Variants in RDH16 observed in about 807,000 individuals in gnomAD.
The protein encoded by RDH16 is human epidermal retinol dehydrogenase.
A neutral mutation model predicts 22.3 loss-of-function variants in RDH16; 25 were observed. That is an observed-to-expected ratio of 1.12 (90% CI 0.82 to 1.56). The LOEUF (loss-of-function observed/expected upper bound fraction) is 1.56. Among genes scored for constraint, RDH16 ranks in the 40% most tolerant of loss-of-function variants. The pLI is 0.00. For missense variants in RDH16, 413 were observed against 394.9 expected (o/e 1.05, Z -0.39); for synonymous variants, 154 against 164.4 (o/e 0.94, Z 0.48).
chr12:56,951,640 T>TC lies in RDH16; in HGVS notation c.*388_*389insG. 2 of 244,712 alleles carry TC rather than the reference T, an allele frequency of 8.2e-6. No homozygotes were observed. Among genetic ancestry groups the TC allele is most frequent in the Non-Finnish European group, 1.6e-5 (2 of 122,244 alleles). The allele number at this position is 244,712 out of a possible 1,614,324, so 15.2% of individuals were successfully genotyped here. ...TTCCACCCCGTGGGAGGGTGTAGAC[T>TC]GGCCCAGAATTAACACACAGCCTGA... is the stretch of plus-strand genomic sequence containing the variant. On this transcript the variant is annotated 3_prime_UTR_variant, in exon 4 of 4. Coordinates refer to ENST00000398138, the MANE Select transcript of RDH16 (RefSeq NM_003708.5).
At chr12:56,956,048 G>A (rs972841872) in intron 1 of RDH16, among the ~76,000 whole-genome samples, 1 of 152,150 alleles carries the variant, frequency 6.6e-6, no homozygotes, top group Non-Finnish European at 1.5e-5. Context: ...CAGGCAGGGG[G>A]TGGCAGTTGT....
rs1323113296 is a variant in RDH16, at chr12:56,955,090, A to C, written c.388T>G (p.Phe130Val). The C allele has an allele frequency of 1.9e-6, 3 of 1,614,026 alleles. No individual in the cohort carries two copies. The African/African-American group carries it at 4.0e-5, about 22-fold the overall frequency. The stretch of plus-strand genomic sequence containing the variant: ...AAGTTCACGTCCAGTATGGTCACGA[A>C]GTCCTGCTTGGTGAGCAACTCATTG... ...APNELLTKQD[F>V]VTILDVNLLG... Residue 130 changes from phenylalanine (F) to valine (V), a missense_variant, in exon 2 of 4, where the codon TTC becomes GTC. Transcript: ENST00000398138.
At chr12:56,953,142 T>C in intron 2 of RDH16, 152 bp from the exon 3 acceptor site, 3 of 735,568 alleles carry the variant, frequency 4.1e-6, no homozygotes, top group Non-Finnish European at 4.3e-6. Flanking sequence ...CAAGGGGTCA[T>C]AATTATCATG....
intron 1 of RDH16, among the ~76,000 whole-genome samples, chr12:56,955,968 C>T (rs559949767): frequency 6.6e-6 from 1 of 152,198 alleles, no homozygotes; most frequent in South Asian, 2.1e-4. Flanking sequence ...TACACAATCC[C>T]CAGGACTTCA....
chr12:56,953,399 T>A (rs1199058965), intron 2 of RDH16, among the ~76,000 whole-genome samples: 1 of 152,194 alleles, frequency 6.6e-6, no homozygotes, highest in Non-Finnish European at 1.5e-5. Context: ...CTAAGAAGCA[T>A]CTGTCTTCAG....
At chr12:56,953,582 A>C (rs1955902489) in intron 2 of RDH16, among the ~76,000 whole-genome samples, 1 of 152,156 alleles carries the variant, frequency 6.6e-6, no homozygotes, top group Admixed American at 6.5e-5. Context: ...GAGCCCACCT[A>C]TGACCACCTG....
At chr12:56,952,724 G>T in intron 3 of RDH16, 103 bp downstream of exon 3, 1 of 1,391,712 alleles carries the variant, frequency 7.2e-7, no homozygotes, top group Non-Finnish European at 9.7e-7. Context: ...GTGGGGAAGG[G>T]AGAGCCTGGG....
chr12:56,957,195 C>G lies in RDH16; in HGVS notation c.268G>C (p.Val90Leu), dbSNP rs199511187. 1 of 1,613,770 alleles carries G rather than the reference C, an allele frequency of 6.2e-7. No individual in the cohort carries two copies. The highest frequency in any genetic ancestry group is 8.5e-7 in the Non-Finnish European group (1 of 1,179,800). Reference protein sequence around the residue: ...VTLDVTKTESVAAAAQWVKEC... With the variant: ...VTLDVTKTESLAAAAQWVKEC... ...TTCACCCACTGGGCGGCTGCAGCAA[C>G]GCTCTCTGTCTTGGTAACATCCAGG... Residue 90 changes from valine to leucine, a missense_variant, in exon 1 of 4, where the codon GTT becomes CTT. Physicochemically the swap from Val to Leu is conservative, Grantham distance 32. Coordinates refer to ENST00000398138, the MANE Select transcript of RDH16 (RefSeq NM_003708.5).
Position 56,951,989 on chromosome 12 carries a change from C to G in RDH16, c.*40G>C, listed in dbSNP as rs772743317. The G allele has an allele frequency of 3.2e-6, 5 of 1,582,994 alleles. No individual in the cohort carries two copies. The South Asian group carries it at 4.4e-5, about 14-fold the overall frequency. ...CCCAAGGATACACCACCCCTCATAG[C>G]ACACCCCAAATCCATGCAACCATGC... On this transcript the variant is annotated 3_prime_UTR_variant, in exon 4 of 4. Transcript: ENST00000398138.
Position 56,951,704 on chromosome 12 carries a change from T to C in RDH16, c.*325A>G. 2.8e-6 allele frequency: 1 copy of C among 358,988 alleles called. No homozygotes were observed. Among genetic ancestry groups the C allele is most frequent in the African/African-American group, 2.0e-5 (1 of 49,082 alleles). The allele number at this position is 358,988 out of a possible 1,614,324, so 22.2% of individuals were successfully genotyped here. On this transcript the variant is annotated 3_prime_UTR_variant, in exon 4 of 4. Coordinates refer to ENST00000398138, the MANE Select transcript of RDH16 (RefSeq NM_003708.5). ...GGTAATGGCATGGGCTGAGGCTCCTTCCACCTGCTCACACCCACCCCAGTT... is the reference window on the plus strand; with the variant it reads ...GGTAATGGCATGGGCTGAGGCTCCTCCCACCTGCTCACACCCACCCCAGTT...
Position 56,952,933 on chromosome 12 carries a change from C to G in RDH16, c.630G>C (p.Lys210Asn), listed in dbSNP as rs1356891084. 1 of 1,613,930 alleles carries G rather than the reference C, an allele frequency of 6.2e-7. No individual in the cohort carries two copies. Among genetic ancestry groups the G allele is most frequent in the Non-Finnish European group, 8.5e-7 (1 of 1,179,988 alleles). Residue 210 changes from lysine (K) to asparagine (N), a missense_variant, in exon 3 of 4, where the codon AAG (lysine) becomes AAC (asparagine). Coordinates refer to ENST00000398138, the MANE Select transcript of RDH16 (RefSeq NM_003708.5). ...ATCTCTCCTTACTGGTCACAGCAGT[C>G]TTGAAATAGCCAGGTTCAATCATAG... ...KVAMIEPGYFKTAVTSKERFL... is the reference protein window; with the variant it reads ...KVAMIEPGYFNTAVTSKERFL...
At chr12:56,953,995 G>T (rs546938098) in intron 2 of RDH16, among the ~76,000 whole-genome samples, 1 of 152,314 alleles carries the variant, frequency 6.6e-6, no homozygotes, top group African/African-American at 2.4e-5. Flanking sequence ...TGTGGACTCA[G>T]ATGCTCTACC....
chr12:56,953,019 A>T, intron 2 of RDH16, 29 bp from the exon 3 acceptor site: 2 of 1,582,068 alleles, frequency 1.3e-6, no homozygotes, highest in Non-Finnish European at 1.7e-6. Context: ...GAGGGGAAAA[A>T]CTTCGGGGGT....
At position 56,952,877 on chromosome 12, in the gene RDH16, C is replaced by T. The variant is rs762842316; in HGVS notation, c.686G>A (p.Arg229Gln). ...GGCCTCCTTGACCTCTGGACTGGAC[C>T]GGTCCCAAATCTCCAGGAAGCTCTT... ...FLKSFLEIWDRSSPEVKEAYG... is the reference protein window; with the variant it reads ...FLKSFLEIWDQSSPEVKEAYG... Residue 229 changes from arginine to glutamine, a missense_variant, in exon 3 of 4, where the codon CGG becomes CAG. Arg to Gln is a conservative substitution (Grantham distance 43). Coordinates refer to ENST00000398138, the MANE Select transcript of RDH16 (RefSeq NM_003708.5). The T allele has an allele frequency of 2.8e-5, 45 of 1,613,922 alleles. No homozygotes were observed. In the East Asian group the frequency reaches 3.6e-4, roughly 13 times the overall value.
rs755112032 is a variant in RDH16 at position 56,952,824 on chromosome 12, C to T, written c.736+3G>A. ...CTCTCCCCACTGTCCACAGCTTACT[C>T]ACAGTCTGCAACAAACTTCTCGCCA... On this transcript the variant is annotated splice_donor_region_variant and intron_variant, in intron 3 of 3. Coordinates refer to ENST00000398138, the MANE Select transcript of RDH16 (RefSeq NM_003708.5). 2 of 1,612,098 alleles carry T rather than the reference C, an allele frequency of 1.2e-6. No homozygotes were observed. The highest frequency in any genetic ancestry group is 4.5e-5 in the East Asian group (2 of 44,874).
At position 56,955,062 on chromosome 12, in the gene RDH16, A is replaced by G; in HGVS notation, c.416T>C (p.Leu139Ser). The change falls in exon 2 of 4, where the codon TTG becomes TCG. Residue 139 changes from leucine (L) to serine (S), a missense_variant. By Grantham distance (145) the Leu-to-Ser change is moderately radical. Coordinates refer to ENST00000398138, the MANE Select transcript of RDH16 (RefSeq NM_003708.5). ...GCTCAGAGTCACATCAATCACCCCCAACAAGTTCACGTCCAGTATGGTCAC... is the reference window on the plus strand; with the variant it reads ...GCTCAGAGTCACATCAATCACCCCCGACAAGTTCACGTCCAGTATGGTCAC... ...DFVTILDVNL[L>S]GVIDVTLSLL... 6.2e-7 allele frequency: 1 copy of G among 1,614,080 alleles called. No homozygotes were observed. The highest frequency in any genetic ancestry group is 2.2e-5 in the East Asian group (1 of 44,858).
At chr12:56,957,002 A>G in intron 1 of RDH16, 148 bp downstream of exon 1, 1 of 787,634 alleles carries the variant, frequency 1.3e-6, no homozygotes, top group South Asian at 1.8e-5. Flanking sequence ...GATGGGGTTC[A>G]GGCAGCCTGT....
intron 2 of RDH16, among the ~76,000 whole-genome samples, chr12:56,953,888 G>A (rs1253108255): frequency 6.6e-6 from 1 of 152,156 alleles, no homozygotes; most frequent in East Asian, 1.9e-4. Flanking sequence ...TATATCTCTT[G>A]TCCCTCTCCC....
In RDH16 at chr12:56,952,946, G is replaced by C; in HGVS notation, c.617C>G (p.Pro206Arg). Residue 206 changes from proline (P) to arginine (R), a missense_variant, in exon 3 of 4, where the codon CCT becomes CGT. Physicochemically the swap from Pro to Arg is moderately radical, Grantham distance 103 (BLOSUM62 -2). Transcript: ENST00000398138. ...GGTCACAGCAGTCTTGAAATAGCCA[G>C]GTTCAATCATAGCCACCTTCACCCC... is the stretch of plus-strand genomic sequence containing the variant. The part of the protein sequence containing the change: ...YFGVKVAMIE[P>R]GYFKTAVTSK... The C allele has an allele frequency of 1.2e-6, 2 of 1,613,888 alleles. No homozygotes were observed. The highest frequency in any genetic ancestry group is 1.7e-6 in the Non-Finnish European group (2 of 1,179,916).
Sources: gnomAD v4.1 joint callset for allele counts (sites outside exome capture counted in the v4.1 genomes callset) on GRCh38, gnomAD v4.1.1 for gene constraint, MANE v1.5 for transcripts, NCBI Gene and HGNC (gene_info 2026-07-23, HGNC 2026-07-21) for gene names.